Variants in RPS29 observed in about 807,000 individuals in gnomAD.
RPS29 encodes small ribosomal subunit protein uS14.
For synonymous variants in RPS29, 37 were observed against 26.9 expected, an observed-to-expected ratio of 1.37 and a Z score of -1.16; for missense variants, 60 against 75.7, an observed-to-expected ratio of 0.79 and a Z score of 0.77.
At position 49,577,969 on chromosome 14, in the gene RPS29, T is replaced by C. The variant is rs972957113; in HGVS notation, c.163-116A>G. 1.4e-5 allele frequency: 10 copies of C among 705,616 alleles called. No homozygotes were observed. The African/African-American group carries it at 1.6e-4, about 11-fold the overall frequency. 43.7% of individuals were successfully genotyped at this position (705,616 alleles called of 1,614,324 possible). ...AACATGTTATGTCACTATCAGGATC[T>C]AGATTGAGTGGAATTAATTCAGAGA... is the stretch of plus-strand genomic sequence containing the variant. On this transcript the variant is annotated intron_variant, in intron 2 of 2. Coordinates refer to the RPS29 transcript ENST00000396020.
intron 1 of RPS29, among the ~76,000 whole-genome samples, chr14:49,595,680 G>A (rs189027740): frequency 1.3e-5 from 2 of 152,044 alleles, no homozygotes; most frequent in Non-Finnish European, 2.9e-5. Context: ...GCTACAAAGT[G>A]AGCAAAGTTC....
exon 3 of RPS29, chr14:49,572,637 T>C (rs1483958582): frequency 6.6e-6 from 1 of 152,242 alleles, no homozygotes; most frequent in East Asian, 1.9e-4. Flanking sequence ...TTAGAAAATC[T>C]ATAATGAAGG....
At chr14:49,594,274 C>T (rs571062027) in intron 1 of RPS29, among the ~76,000 whole-genome samples, 11 of 152,012 alleles carry the variant, frequency 7.2e-5, no homozygotes, top group Non-Finnish European at 1.3e-4. Context: ...TGAATTTTAT[C>T]CCGCTTAAAA....
At chr14:49,591,875 C>T (rs1483888384) in intron 1 of RPS29, among the ~76,000 whole-genome samples, 2 of 152,044 alleles carry the variant, frequency 1.3e-5, no homozygotes, top group African/African-American at 4.8e-5. Context: ...CTGCCTCGGC[C>T]TCCCAAAGTG....
chr14:49,588,876 CTT>C (rs577408713), upstream of RPS29, among the ~76,000 whole-genome samples: 3 of 92,464 alleles, frequency 3.2e-5, no homozygotes, highest in African/African-American at 7.6e-5. Context: ...TTTCTGAGTC[CTT>C]TTTTTTTTTT....
rs529245308 is a variant in RPS29, at chr14:49,577,825, C to A, written c.191G>T (p.Cys64Phe). 1.9e-6 allele frequency: 3 copies of A among 1,602,452 alleles called. No individual in the cohort carries two copies. The East Asian group carries it at 6.8e-5, about 36-fold the overall frequency. ...AGGAGATGGGTGTCACCTCCATAGG[C>A]AGTGCCAAGGAAGACAGCTCAGGTC... The change falls in exon 3 of 3, where the codon TGC becomes TTC. Residue 64 changes from cysteine (C) to phenylalanine (F), a missense_variant. Coordinates refer to the RPS29 transcript ENST00000396020.
chr14:49,592,577 G>T (rs1191510854), intron 1 of RPS29, among the ~76,000 whole-genome samples: 2 of 151,430 alleles, frequency 1.3e-5, no homozygotes, highest in African/African-American at 4.8e-5. Flanking sequence ...ATGTTGGTCA[G>T]GCTGGTCTTG....
intron 2 of RPS29, among the ~76,000 whole-genome samples, chr14:49,584,033 G>A (rs1461743604): frequency 6.6e-6 from 1 of 152,100 alleles, no homozygotes; most frequent in Non-Finnish European, 1.5e-5. Flanking sequence ...CCGGACTGGA[G>A]TGCAATGGAG....
rs182726741 is a variant in RPS29, at chr14:49,592,627, T to C, written c.-133+5773A>G. 2.5e-3 allele frequency among the ~76,000 whole-genome samples: 374 copies of C among 150,802 alleles called. 3 individuals carry two copies. The highest frequency in any genetic ancestry group is 6.8e-3 in the Middle Eastern group (2 of 294). On this transcript the variant is annotated intron_variant, in intron 1 of 3. Transcript: ENST00000556230. The stretch of plus-strand genomic sequence containing the variant: ...AAAAGTCTATGTATTAAAATTAACT[T>C]GCCGGGCGCAGTGGCTCACACCTGT...
chr14:49,591,400 C>T (rs1881706213), intron 1 of RPS29, among the ~76,000 whole-genome samples: 1 of 151,992 alleles, frequency 6.6e-6, no homozygotes, highest in South Asian at 2.1e-4. Context: ...GCAACCTCCA[C>T]CTCCCGGCTC....
rs60555753 is a variant in RPS29 at position 49,578,559 on chromosome 14, C to CTT, written c.163-708_163-707dup. Reference sequence around the variant, plus strand: ...CTACCAATATTTACCAAAGCTTTCACTTTTTTTTTTTTTTTTTTTGAGACA... The same window carrying CTT: ...CTACCAATATTTACCAAAGCTTTCACTTTTTTTTTTTTTTTTTTTTTGAGACA... On this transcript the variant is annotated intron_variant, in intron 2 of 2. Coordinates refer to the RPS29 transcript ENST00000396020. 1.4e-4 allele frequency among the ~76,000 whole-genome samples: 14 copies of CTT among 103,444 alleles called. 1 individual carries two copies. The highest frequency in any genetic ancestry group is 6.0e-4 in the South Asian group (2 of 3,306). The allele number at this position is 103,444 out of a possible 152,430, so 67.9% of individuals were successfully genotyped here.
chr14:49,591,227 G>A (rs1881702723), upstream of RPS29, among the ~76,000 whole-genome samples: 1 of 152,010 alleles, frequency 6.6e-6, no homozygotes, highest in African/African-American at 2.4e-5. Flanking sequence ...TCCAACCCTA[G>A]ACCCCTATTT....
At chr14:49,585,629 A>C (rs1471718947) in intron 2 of RPS29, 1 of 438,838 alleles carries the variant, frequency 2.3e-6, no homozygotes, top group Non-Finnish European at 4.0e-6. Context: ...TGATAAATGA[A>C]ACAAATGTAA....
At chr14:49,588,689 G>A (rs542051209), upstream of RPS29, among the ~76,000 whole-genome samples, 2 of 151,628 alleles carry the variant, frequency 1.3e-5, no homozygotes, top group African/African-American at 4.8e-5. Context: ...CACCACACCC[G>A]TCTAATTTTT....
chr14:49,578,562 T>C (rs1881250096), intron 2 of RPS29, among the ~76,000 whole-genome samples: 1 of 139,472 alleles, frequency 7.2e-6, no homozygotes, highest in East Asian at 1.9e-4. Flanking sequence ...GCTTTCACTT[T>C]TTTTTTTTTT....
downstream of RPS29, among the ~76,000 whole-genome samples, chr14:49,579,152 C>A (rs185485928): frequency 3.3e-4 from 50 of 152,218 alleles, no homozygotes; most frequent in African/African-American, 1.2e-3. Context: ...GAGAGGTCAA[C>A]CCTCATGGGA....
downstream of RPS29, among the ~76,000 whole-genome samples, chr14:49,581,509 T>C (rs1881332573): frequency 6.6e-6 from 1 of 152,200 alleles, no homozygotes; most frequent in South Asian, 2.1e-4. Flanking sequence ...CTTGGAGTCA[T>C]TCTTAGACTG....
chr14:49,579,708 T>C (rs1881283593), downstream of RPS29, among the ~76,000 whole-genome samples: 1 of 152,244 alleles, frequency 6.6e-6, no homozygotes, highest in African/African-American at 2.4e-5. Flanking sequence ...CATCTTGCTA[T>C]GTGCTTGGTA....
At chr14:49,591,603 T>C (rs1389187594) in intron 1 of RPS29, among the ~76,000 whole-genome samples, 5 of 145,592 alleles carry the variant, frequency 3.4e-5, no homozygotes, top group African/African-American at 1.0e-4. Flanking sequence ...TGAGCCACCA[T>C]GCCTGGCCCA....
Sources: allele counts gnomAD v4.1 joint callset (sites outside exome capture counted in the v4.1 genomes callset), GRCh38; gene constraint gnomAD v4.1.1; transcripts MANE v1.5; gene names NCBI Gene and HGNC (gene_info 2026-07-23, HGNC 2026-07-21).